The following PTPRD variants were observed in gnomAD, a reference collection of about 807,000 sequenced individuals.
The protein encoded by PTPRD is protein tyrosine phosphatase receptor type D.
PTPRD carries 34 observed loss-of-function variants against 214.5 expected under a neutral mutation model. The ratio of observed to expected loss-of-function variants is 0.16; its 90% CI spans 0.12 to 0.21. The LOEUF (loss-of-function observed/expected upper bound fraction) is 0.21, where lower values mean the gene tolerates loss of function less well. Ranked by LOEUF, PTPRD falls within the 10% of genes least tolerant of loss-of-function variation. The probability of loss-of-function intolerance (pLI) is 1.00; values close to 1 mark genes in which losing one functional copy is unlikely to be tolerated. For missense variants in PTPRD, 2,545 were observed against 2,398.7 expected, an observed-to-expected ratio of 1.06 and a Z score of -1.27; for synonymous variants, 1,128 against 845.7, an observed-to-expected ratio of 1.33 and a Z score of -5.79.
intron 2 of PTPRD, among the ~76,000 whole-genome samples, chr9:10,554,692 G>T (rs1057395639): frequency 2.0e-5 from 3 of 150,910 alleles, no homozygotes; most frequent in South Asian, 2.1e-4. Flanking sequence ...ATGGAGTCTC[G>T]CTTTGTCGCT....
intron 2 of PTPRD, among the ~76,000 whole-genome samples, chr9:10,417,283 C>T (rs1224778841): frequency 6.6e-6 from 1 of 151,828 alleles, no homozygotes; most frequent in East Asian, 2.0e-4. Flanking sequence ...GACCTGTGTA[C>T]CTTCTTCCAA....
chr9:9,613,390 T>A (rs2094649298), intron 7 of PTPRD, among the ~76,000 whole-genome samples: 1 of 152,006 alleles, frequency 6.6e-6, no homozygotes, highest in Non-Finnish European at 1.5e-5. Context: ...GTTCTAATGA[T>A]AATTGCCTTC....
chr9:9,287,703 C>T (rs1949950638), intron 9 of PTPRD, among the ~76,000 whole-genome samples: 1 of 151,842 alleles, frequency 6.6e-6, no homozygotes, highest in South Asian at 2.1e-4. Context: ...TTATTTGCAG[C>T]ACTTTTGAAA....
chr9:8,822,230 A>G (rs749647751), intron 11 of PTPRD, among the ~76,000 whole-genome samples: 13 of 152,170 alleles, frequency 8.5e-5, no homozygotes, highest in Non-Finnish European at 1.6e-4. Context: ...GTGATTTAGT[A>G]TATCTGGTCT....
rs1467946703 is a variant in PTPRD, at chr9:10,033,722, G to C, written c.-476C>G. On this transcript the variant is annotated 5_prime_UTR_variant, in exon 4 of 46. Coordinates refer to ENST00000381196, the MANE Select transcript of PTPRD (RefSeq NM_002839.4). ...ATTAGAATGAGTGAGACTTACCAAT[G>C]TACAGCTTCCCCCTACAAGATGATT... 6.6e-6 allele frequency: 1 copy of C among 152,044 alleles called. No individual in the cohort carries two copies. Among genetic ancestry groups the C allele is most frequent in the East Asian group, 1.9e-4 (1 of 5,196 alleles). 9.4% of individuals were successfully genotyped at this position (152,044 alleles called of 1,614,324 possible).
intron 39 of PTPRD, among the ~76,000 whole-genome samples, chr9:8,351,437 CTAA>C (rs1030125268): frequency 1.3e-4 from 19 of 150,732 alleles, no homozygotes; most frequent in African/African-American, 4.6e-4. Flanking sequence ...ACATAATAAT[CTAA>C]TAATGGAATT....
chr9:10,335,984 G>C (rs1056763945), intron 3 of PTPRD, among the ~76,000 whole-genome samples: 2 of 151,750 alleles, frequency 1.3e-5, no homozygotes, highest in African/African-American at 4.8e-5. Flanking sequence ...CTCATTCATT[G>C]CTGGTGGGAG....
chr9:10,227,510 T>G (rs1019232690), intron 3 of PTPRD, among the ~76,000 whole-genome samples: 1 of 151,986 alleles, frequency 6.6e-6, no homozygotes, highest in African/African-American at 2.4e-5. Context: ...ATCCAAGGTT[T>G]GGCTCAAAAA....
chr9:9,686,842 G>GA (rs982628413), intron 7 of PTPRD, among the ~76,000 whole-genome samples: 1 of 151,626 alleles, frequency 6.6e-6, no homozygotes, highest in Non-Finnish European at 1.5e-5. Context: ...ACTACATTGA[G>GA]ACCAAAATTT....
intron 12 of PTPRD, among the ~76,000 whole-genome samples, chr9:8,662,952 G>A (rs1252999787): frequency 6.6e-6 from 1 of 152,060 alleles, no homozygotes; most frequent in Non-Finnish European, 1.5e-5. Context: ...ACACACCAGG[G>A]AAGGAATTCC....
At chr9:8,434,306 T>C (rs570307487) in intron 35 of PTPRD, among the ~76,000 whole-genome samples, 2 of 152,322 alleles carry the variant, frequency 1.3e-5, no homozygotes, top group South Asian at 4.1e-4. Flanking sequence ...CAGTATTTTT[T>C]ACCTTACCTT....
chr9:10,343,302 T>C (rs942035911), intron 2 of PTPRD, among the ~76,000 whole-genome samples: 1 of 152,148 alleles, frequency 6.6e-6, no homozygotes, highest in Non-Finnish European at 1.5e-5. Flanking sequence ...GCAAAGGACA[T>C]GAACTCATCC....
At chr9:9,172,917 G>C (rs560100719) in intron 10 of PTPRD, among the ~76,000 whole-genome samples, 1 of 152,058 alleles carries the variant, frequency 6.6e-6, no homozygotes, top group Non-Finnish European at 1.5e-5. Flanking sequence ...AGATTCGATC[G>C]TGTCCAAAAT....
chr9:8,633,617 A>T (rs1377142260), intron 13 of PTPRD, among the ~76,000 whole-genome samples, 159 bp from the exon 14 acceptor site: 4 of 152,064 alleles, frequency 2.6e-5, no homozygotes, highest in African/African-American at 9.7e-5. Flanking sequence ...TATTTGGTCT[A>T]ATTTAGTGAA....
At chr9:9,058,779 A>T (rs117001161) in intron 10 of PTPRD, among the ~76,000 whole-genome samples, 1 of 152,200 alleles carries the variant, frequency 6.6e-6, no homozygotes, top group South Asian at 2.1e-4. Flanking sequence ...AGGAAAAGAA[A>T]ATCTTAAAGT....
intron 39 of PTPRD, among the ~76,000 whole-genome samples, chr9:8,365,913 C>T (rs1413785513): frequency 1.3e-5 from 2 of 152,086 alleles, no homozygotes; most frequent in Admixed American, 6.5e-5. Context: ...CCATGTCCTG[C>T]CCCAAGTCAA....
intron 3 of PTPRD, among the ~76,000 whole-genome samples, chr9:10,149,086 A>C (rs986136640): frequency 6.6e-6 from 1 of 152,218 alleles, no homozygotes; most frequent in African/African-American, 2.4e-5. Flanking sequence ...ATTCAAATGA[A>C]GCAGAGCTCT....
chr9:8,608,518 C>T (rs2095323956), intron 14 of PTPRD, among the ~76,000 whole-genome samples: 2 of 152,162 alleles, frequency 1.3e-5, no homozygotes, highest in African/African-American at 4.8e-5. Flanking sequence ...AAGAGAGTCA[C>T]TTAGAACCAC....
At chr9:9,720,779 C>G (rs906342644) in intron 7 of PTPRD, among the ~76,000 whole-genome samples, 1 of 151,178 alleles carries the variant, frequency 6.6e-6, no homozygotes, top group Non-Finnish European at 1.5e-5. Flanking sequence ...AAATAAAATG[C>G]GATATATATA....
Sources: allele counts gnomAD v4.1 joint callset (sites outside exome capture counted in the v4.1 genomes callset), GRCh38; gene constraint gnomAD v4.1.1; transcripts MANE v1.5; gene names NCBI Gene and HGNC (gene_info 2026-07-23, HGNC 2026-07-21).